Variants in WDR41 observed in about 807,000 individuals in gnomAD.
WDR41 encodes the protein WD repeat domain 41.
WDR41 carries 63 observed loss-of-function variants against 69.3 expected under a neutral mutation model. The ratio of observed to expected loss-of-function variants is 0.91; its 90% confidence interval spans 0.74 to 1.12. The LOEUF (loss-of-function observed/expected upper bound fraction) is 1.12. Among genes scored for constraint, WDR41 ranks in the 50% most tolerant of loss-of-function variants. The pLI is 0.00. For missense variants in WDR41, 543 were observed against 534.5 expected (o/e 1.02, Z -0.16); for synonymous variants, 185 against 192.1 (o/e 0.96, Z 0.31).
At chr5:77,557,542 TA>T (rs1224709256) in intron 1 of WDR41, among the ~76,000 whole-genome samples, 104 of 152,276 alleles carry the variant, frequency 6.8e-4, no homozygotes, top group African/African-American at 2.5e-3. Flanking sequence ...TTGCAAAAAT[TA>T]AAAATTCTGA....
Position 77,436,646 on chromosome 5 carries a change from T to A in WDR41, c.1094-252A>T, listed in dbSNP as rs1246499535. On this transcript the variant is annotated intron_variant, in intron 11 of 12. Coordinates refer to ENST00000296679, the MANE Select transcript of WDR41 (RefSeq NM_018268.4). Reference sequence around the variant, plus strand: ...GCAGGTATATTAACAAAAAGACACTTGGAATAAAACAGGACAGAAACAAAG... The same window carrying A: ...GCAGGTATATTAACAAAAAGACACTAGGAATAAAACAGGACAGAAACAAAG... Among the ~76,000 whole-genome samples the A allele has an allele frequency of 4.6e-5, 7 of 152,088 alleles. No homozygotes were observed. The South Asian group carries it at 1.2e-3, about 27-fold the overall frequency.
chr5:77,531,859 G>A (rs996128232), intron 1 of WDR41, among the ~76,000 whole-genome samples: 10 of 151,864 alleles, frequency 6.6e-5, no homozygotes, highest in Non-Finnish European at 1.5e-4. Flanking sequence ...ACAAAAGGTC[G>A]CATATTATAT....
intron 1 of WDR41, among the ~76,000 whole-genome samples, chr5:77,513,821 G>A (rs1802246674): frequency 6.6e-6 from 1 of 151,986 alleles, no homozygotes. Context: ...CCTCTGAATG[G>A]TAAAAAGAAA....
At chr5:77,552,152 C>A (rs1743312636) in intron 1 of WDR41, among the ~76,000 whole-genome samples, 1 of 150,716 alleles carries the variant, frequency 6.6e-6, no homozygotes, top group African/African-American at 2.4e-5. Flanking sequence ...AAAGGTAGGG[C>A]AAATACAAAC....
chr5:77,569,564 A>G (rs1353423855), intron 1 of WDR41, among the ~76,000 whole-genome samples: 1 of 152,176 alleles, frequency 6.6e-6, no homozygotes, highest in Non-Finnish European at 1.5e-5. Flanking sequence ...TATATTCAGT[A>G]CTCTTATTTA....
At chr5:77,605,432 G>A (rs948581802) in intron 1 of WDR41, among the ~76,000 whole-genome samples, 2 of 152,238 alleles carry the variant, frequency 1.3e-5, no homozygotes, top group African/African-American at 4.8e-5. Flanking sequence ...CCCTCTGGGA[G>A]TGGTGTGTGG....
At chr5:77,512,661 G>A (rs1417647527) in intron 1 of WDR41, among the ~76,000 whole-genome samples, 2 of 149,294 alleles carry the variant, frequency 1.3e-5, no homozygotes, top group African/African-American at 2.5e-5. Flanking sequence ...GAGGAGAATC[G>A]CTTGAACCCA....
At chr5:77,434,252 A>G (rs1432323373) in intron 12 of WDR41, among the ~76,000 whole-genome samples, 1 of 152,160 alleles carries the variant, frequency 6.6e-6, no homozygotes, top group African/African-American at 2.4e-5. Context: ...TAGAGGTTGC[A>G]GTGAGTGGAG....
intron 1 of WDR41, among the ~76,000 whole-genome samples, chr5:77,555,257 A>C (rs1743371138): frequency 6.6e-6 from 1 of 152,178 alleles, no homozygotes; most frequent in Non-Finnish European, 1.5e-5. Flanking sequence ...TGTACAAAGG[A>C]TCTTTCTGCG....
At chr5:77,589,436 G>A (rs554931074) in intron 1 of WDR41, among the ~76,000 whole-genome samples, 6 of 152,126 alleles carry the variant, frequency 3.9e-5, no homozygotes, top group African/African-American at 7.2e-5. Context: ...AGAAAAAACC[G>A]GCTTGGATTC....
intron 1 of WDR41, among the ~76,000 whole-genome samples, chr5:77,581,582 C>T (rs1743940864): frequency 6.6e-6 from 1 of 152,142 alleles, no homozygotes; most frequent in African/African-American, 2.4e-5. Flanking sequence ...GAGGATTCTT[C>T]AGTAGACCAT....
Position 77,492,242 on chromosome 5 carries a change from C to G in WDR41, c.-22G>C. On this transcript the variant is annotated 5_prime_UTR_variant, in exon 1 of 13. Coordinates refer to ENST00000296679, the MANE Select transcript of WDR41 (RefSeq NM_018268.4). Reference sequence around the variant, plus strand: ...ACATCCGGGCAGCGGCGGCGTCTTGCCCGGTCCAGCCCCAGTCAGCCCAAA... The same window carrying G: ...ACATCCGGGCAGCGGCGGCGTCTTGGCCGGTCCAGCCCCAGTCAGCCCAAA... 1 of 1,611,680 alleles carries G rather than the reference C, an allele frequency of 6.2e-7. No homozygotes were observed. The highest frequency in any genetic ancestry group is 1.3e-5 in the African/African-American group (1 of 74,928).
At chr5:77,599,090 T>C (rs946140871) in intron 1 of WDR41, among the ~76,000 whole-genome samples, 2 of 151,792 alleles carry the variant, frequency 1.3e-5, no homozygotes, top group African/African-American at 4.8e-5. Context: ...CAGTTGCATA[T>C]GTTCCTTTAA....
At chr5:77,460,870 T>C (rs1800022226) in intron 4 of WDR41, among the ~76,000 whole-genome samples, 1 of 152,122 alleles carries the variant, frequency 6.6e-6, no homozygotes, top group Admixed American at 6.6e-5. Flanking sequence ...AGATTTTGGA[T>C]TTTCAGATTA....
At chr5:77,524,719 G>A (rs1193234104) in intron 1 of WDR41, among the ~76,000 whole-genome samples, 4 of 152,020 alleles carry the variant, frequency 2.6e-5, no homozygotes, top group African/African-American at 9.7e-5. Flanking sequence ...GCTCCCCGCA[G>A]AACCACAGCC....
intron 2 of WDR41, among the ~76,000 whole-genome samples, chr5:77,469,595 T>A (rs1800471734): frequency 6.6e-6 from 1 of 152,194 alleles, no homozygotes. Flanking sequence ...TGCGTGTGTG[T>A]GATGTTAACA....
In WDR41 at chr5:77,506,984, G is replaced by A. The variant is rs142427489; in HGVS notation, c.43-17412C>T. Among the ~76,000 whole-genome samples, 527 of 152,222 alleles carry A rather than the reference G, an allele frequency of 3.5e-3. 5 individuals are homozygous for A. The highest frequency in any genetic ancestry group is 0.012 in the African/African-American group (496 of 41,548). On this transcript the variant is annotated intron_variant, in intron 1 of 5. Coordinates refer to the WDR41 transcript ENST00000509971. ...AAACCAACATGGCACATGTATACCT[G>A]TGTATCAAACCTGCACGTTGTGCAC...
At chr5:77,486,261 G>T (rs1460043151) in intron 2 of WDR41, among the ~76,000 whole-genome samples, 1 of 152,068 alleles carries the variant, frequency 6.6e-6, no homozygotes, top group Non-Finnish European at 1.5e-5. Context: ...GCAAATGACC[G>T]AAAAACTTCA....
chr5:77,526,560 C>T (rs1529432), intron 1 of WDR41, among the ~76,000 whole-genome samples: 74,160 of 151,904 alleles, frequency 0.49, 19,373 homozygotes, highest in African/African-American at 0.69. Context: ...AAGGGCCTTA[C>T]ATATAAGTCA....
Sources: gnomAD v4.1 joint callset for allele counts (sites outside exome capture counted in the v4.1 genomes callset) on GRCh38, gnomAD v4.1.1 for gene constraint, MANE v1.5 for transcripts, NCBI Gene and HGNC (gene_info 2026-07-23, HGNC 2026-07-21) for gene names.